Variants in STOX2 observed in about 807,000 individuals in gnomAD.
The protein encoded by STOX2 is storkhead box 2.
Under a neutral mutation model 60.9 loss-of-function variants are expected in STOX2, and 28 were observed. That is an observed-to-expected ratio of 0.46 (90% confidence interval 0.34 to 0.63). The LOEUF (loss-of-function observed/expected upper bound fraction) is 0.63. STOX2 is among the 30% of genes least tolerant of loss of function. STOX2 has a pLI of 0.01. For synonymous variants in STOX2, 472 were observed against 463.9 expected, an observed-to-expected ratio of 1.02 and a Z score of -0.22; for missense variants, 1,024 against 1,187.7, an observed-to-expected ratio of 0.86 and a Z score of 2.03.
chr4:183,995,150 G>A (rs1579520222), intron 1 of STOX2, among the ~76,000 whole-genome samples: 1 of 152,176 alleles, frequency 6.6e-6, no homozygotes, highest in East Asian at 1.9e-4. Context: ...GGAAGGAGCA[G>A]GTGTAAGCTG....
intron 1 of STOX2, among the ~76,000 whole-genome samples, chr4:183,948,068 G>C (rs569158233): frequency 1.3e-5 from 2 of 151,726 alleles, no homozygotes; most frequent in Non-Finnish European, 2.9e-5. Context: ...AATACAAAAA[G>C]TTAGCTGGTC....
chr4:183,901,303 A>G (rs959395554), upstream of STOX2, among the ~76,000 whole-genome samples: 4 of 152,074 alleles, frequency 2.6e-5, no homozygotes, highest in Admixed American at 6.6e-5. Context: ...TTGCTTATCC[A>G]CTCATCCCTC....
rs1170559711 is a variant in STOX2, at chr4:183,951,988, C to T, written c.166+45032C>T. Among the ~76,000 whole-genome samples the T allele has an allele frequency of 5.9e-5, 9 of 152,174 alleles. 1 individual carries two copies. The South Asian group carries it at 1.2e-3, about 21-fold the overall frequency. ...TGGGTGAGCGACTCTCTTCACTCTC[C>T]GATGCTCTCTCCCTCTAGCCTTTTG... On this transcript the variant is annotated intron_variant, in intron 1 of 3. Transcript: ENST00000308497.
At chr4:183,831,986 CTTCT>C (rs1207011846) in intron 1 of STOX2, among the ~76,000 whole-genome samples, 3 of 146,006 alleles carry the variant, frequency 2.1e-5, no homozygotes, top group African/African-American at 8.0e-5. Flanking sequence ...TCTTCTTCTT[CTTCT>C]TTTTTTTTTT....
At chr4:183,851,809 G>C (rs199546332) in intron 1 of STOX2, among the ~76,000 whole-genome samples, 4 of 87,736 alleles carry the variant, frequency 4.6e-5, no homozygotes, top group African/African-American at 1.1e-4. Flanking sequence ...ATGAGAGAAA[G>C]GATGAGGGAA....
intron 1 of STOX2, among the ~76,000 whole-genome samples, chr4:183,966,469 C>T (rs1371378205): frequency 6.6e-6 from 1 of 152,216 alleles, no homozygotes; most frequent in Non-Finnish European, 1.5e-5. Flanking sequence ...ATTTGATGGA[C>T]AGATGGACGG....
rs182478347 is a variant in STOX2 at position 183,819,728 on chromosome 4, C to A, written c.364+21673C>A. Among the ~76,000 whole-genome samples the A allele has an allele frequency of 5.3e-4, 80 of 152,278 alleles. No individual in the cohort carries two copies. In the East Asian group the frequency reaches 5.8e-3, roughly 11 times the overall value. On this transcript the variant is annotated intron_variant, in intron 1 of 2. Coordinates refer to the STOX2 transcript ENST00000513034. ...AGGAGGGCGTGAGATATTTTATGTT[C>A]GTCAAAAGGAAGCATGGGTGAAAAA...
chr4:183,954,403 CTCGGACTCCTGAGTAGCTGGGATTA>C (rs1177173736), intron 1 of STOX2, among the ~76,000 whole-genome samples: 2 of 151,958 alleles, frequency 1.3e-5, no homozygotes, highest in Non-Finnish European at 2.9e-5. Flanking sequence ...ATTCTCTTGC[CTCGGACTCCTGAGTAGCTGGGATTA>C]CAGGCGCCCA....
chr4:183,967,180 C>T (rs953393216), intron 1 of STOX2, among the ~76,000 whole-genome samples: 2 of 151,938 alleles, frequency 1.3e-5, no homozygotes, highest in African/African-American at 2.4e-5. Flanking sequence ...CCGACCAACA[C>T]GGAGAAACTC....
At chr4:184,006,637 G>A (rs1210831428) in intron 2 of STOX2, among the ~76,000 whole-genome samples, 1 of 129,100 alleles carries the variant, frequency 7.7e-6, no homozygotes, top group Non-Finnish European at 1.5e-5. Flanking sequence ...GCAGTGAGCT[G>A]AGATCTTGTC....
upstream of STOX2, among the ~76,000 whole-genome samples, chr4:183,902,679 G>T (rs1036411959): frequency 6.6e-5 from 10 of 152,160 alleles, no homozygotes; most frequent in Admixed American, 6.5e-4. Flanking sequence ...TAGTAACAGG[G>T]AACTCCATTT....
At chr4:183,841,456 T>C (rs1456558122) in intron 1 of STOX2, among the ~76,000 whole-genome samples, 1 of 152,054 alleles carries the variant, frequency 6.6e-6, no homozygotes, top group Non-Finnish European at 1.5e-5. Context: ...CAAAAGATGC[T>C]CCCTCCTCGG....
intron 1 of STOX2, among the ~76,000 whole-genome samples, chr4:183,994,182 C>T (rs950077679): frequency 7.2e-5 from 11 of 152,060 alleles, no homozygotes; most frequent in African/African-American, 2.4e-4. Context: ...GAAGAGTGTG[C>T]GGAGAGGAAT....
chr4:183,917,428 C>T (rs1741963109), intron 1 of STOX2, among the ~76,000 whole-genome samples: 1 of 152,208 alleles, frequency 6.6e-6, no homozygotes, highest in Non-Finnish European at 1.5e-5. Context: ...ACAGTGTCTT[C>T]TGAATTCACC....
chr4:183,918,680 T>G (rs1396479067), intron 1 of STOX2, among the ~76,000 whole-genome samples: 1 of 152,194 alleles, frequency 6.6e-6, no homozygotes, highest in African/African-American at 2.4e-5. Flanking sequence ...ATAAAAGTAG[T>G]GATGGGCCCA....
intron 1 of STOX2, among the ~76,000 whole-genome samples, chr4:183,967,023 A>G (rs987524355): frequency 3.9e-5 from 6 of 152,218 alleles, no homozygotes; most frequent in Non-Finnish European, 5.9e-5. Context: ...ACATATTGGC[A>G]GTAAAGTGTA....
chr4:183,957,825 C>G (rs1006210097), intron 1 of STOX2, among the ~76,000 whole-genome samples: 2 of 152,092 alleles, frequency 1.3e-5, no homozygotes, highest in East Asian at 1.9e-4. Flanking sequence ...TATTTAGAAC[C>G]CAATATCGTG....
At chr4:183,844,174 A>T (rs1036417854) in intron 1 of STOX2, among the ~76,000 whole-genome samples, 3 of 152,190 alleles carry the variant, frequency 2.0e-5, no homozygotes, top group Admixed American at 2.0e-4. Context: ...TTGCAAGTAG[A>T]TATGAGGATG....
intron 1 of STOX2, among the ~76,000 whole-genome samples, chr4:183,897,496 G>C (rs1048324266): frequency 3.9e-5 from 6 of 152,180 alleles, no homozygotes; most frequent in Non-Finnish European, 5.9e-5. Context: ...TTAAAAAGGG[G>C]ACTGCAAATC....
Sources: gnomAD v4.1 joint callset for allele counts (sites outside exome capture counted in the v4.1 genomes callset) on GRCh38, gnomAD v4.1.1 for gene constraint, MANE v1.5 for transcripts, NCBI Gene and HGNC (gene_info 2026-07-23, HGNC 2026-07-21) for gene names.